MGAT5: variants seen among roughly 807,000 people sequenced by gnomAD.
MGAT5 encodes alpha-1,6-mannosylglycoprotein 6-beta-N-acetylglucosaminyltransferase A.
A neutral mutation model predicts 94.3 loss-of-function variants in MGAT5; 30 were observed. The observed-to-expected ratio is 0.32, with a 90% CI of 0.24 to 0.43. MGAT5 has a LOEUF of 0.43. Among genes scored for constraint, MGAT5 ranks in the 20% least tolerant of loss-of-function variants. The probability of loss-of-function intolerance (pLI) is 1.00; values close to 1 mark genes in which losing one functional copy is unlikely to be tolerated. For missense variants in MGAT5, 691 were observed against 905.5 expected (o/e 0.76, Z 3.04); for synonymous variants, 310 against 322.9 (o/e 0.96, Z 0.43).
chr2:134,154,392 C>T (rs1195857496), intron 1 of MGAT5, among the ~76,000 whole-genome samples: 2 of 152,228 alleles, frequency 1.3e-5, no homozygotes, highest in Non-Finnish European at 2.9e-5. Context: ...GTGTCCTCCT[C>T]CATATCCTGC....
At chr2:134,440,989 T>C (rs949882362) in intron 14 of MGAT5, among the ~76,000 whole-genome samples, 4 of 152,268 alleles carry the variant, frequency 2.6e-5, no homozygotes, top group Admixed American at 2.0e-4. Context: ...AGTTTGGTGA[T>C]GTTTTTTGAC....
At position 134,370,071 on chromosome 2, in the gene MGAT5, A is replaced by G. The variant is rs142533157; in HGVS notation, c.1380+7663A>G. Among the ~76,000 whole-genome samples, 673 of 152,328 alleles carry G rather than the reference A, an allele frequency of 4.4e-3. 5 individuals carry two copies. The highest frequency in any genetic ancestry group is 0.015 in the African/African-American group (621 of 41,570). On this transcript the variant is annotated intron_variant, in intron 10 of 15. Coordinates refer to ENST00000281923, the MANE Select transcript of MGAT5 (RefSeq NM_002410.5). Reference sequence around the variant, plus strand: ...GAGATAGAATCCCATTCTGAAAACTATGTAATTATCTAGCTTGCTAATTTG... The same window carrying G: ...GAGATAGAATCCCATTCTGAAAACTGTGTAATTATCTAGCTTGCTAATTTG...
At chr2:134,141,589 G>A (rs1686659487) in intron 1 of MGAT5, among the ~76,000 whole-genome samples, 1 of 152,200 alleles carries the variant, frequency 6.6e-6, no homozygotes, top group Non-Finnish European at 1.5e-5. Flanking sequence ...AGCCTAATGA[G>A]GAAAACAGAC....
chr2:134,304,655 A>G (rs577512332), intron 2 of MGAT5, among the ~76,000 whole-genome samples: 1 of 152,320 alleles, frequency 6.6e-6, no homozygotes, highest in East Asian at 1.9e-4. Context: ...CCAAATTTAC[A>G]TGGTCTTAAC....
chr2:134,303,748 T>C (rs1686168904), intron 2 of MGAT5, among the ~76,000 whole-genome samples: 1 of 152,176 alleles, frequency 6.6e-6, no homozygotes, highest in African/African-American at 2.4e-5. Flanking sequence ...ATACAGACTT[T>C]GGGGTTCTCC....
rs191754598 is a variant in MGAT5, at chr2:134,422,923, G to T, written c.1794+4G>T. 5 of 1,604,568 alleles carry T rather than the reference G, an allele frequency of 3.1e-6. No individual in the cohort carries two copies. Among genetic ancestry groups the T allele is most frequent in the Non-Finnish European group, 2.6e-6 (3 of 1,171,656 alleles). On this transcript the variant is annotated splice_donor_region_variant and intron_variant, in intron 13 of 15. Coordinates refer to ENST00000281923, the MANE Select transcript of MGAT5 (RefSeq NM_002410.5). Reference sequence around the variant, plus strand: ...GAAAGCAATTTTAAATCAGAAGGTTGGTTCATTTTATTCCACTTTCCCTCC... The same window carrying T: ...GAAAGCAATTTTAAATCAGAAGGTTTGTTCATTTTATTCCACTTTCCCTCC...
intron 12 of MGAT5, among the ~76,000 whole-genome samples, chr2:134,417,816 A>C (rs536923853): frequency 2.0e-5 from 3 of 152,304 alleles, no homozygotes; most frequent in African/African-American, 7.2e-5. Context: ...ATACTATACA[A>C]ATAAATACAG....
intron 14 of MGAT5, among the ~76,000 whole-genome samples, chr2:134,432,188 G>A (rs1172771751): frequency 6.6e-6 from 1 of 152,136 alleles, no homozygotes; most frequent in Non-Finnish European, 1.5e-5. Flanking sequence ...TGAAGGAATG[G>A]CAATTTCAGA....
intron 10 of MGAT5, among the ~76,000 whole-genome samples, chr2:134,389,862 C>T (rs1682288782): frequency 6.6e-6 from 1 of 152,184 alleles, no homozygotes; most frequent in Admixed American, 6.5e-5. Flanking sequence ...GTTCACTTTC[C>T]CTTTCTCACA....
chr2:134,419,442 T>TTGTGTGTGTGTGTGTGTGTG (rs56181696), intron 12 of MGAT5, among the ~76,000 whole-genome samples: 16 of 134,220 alleles, frequency 1.2e-4, no homozygotes, highest in East Asian at 6.6e-4. Context: ...GCTTCAGGGT[T>TTGTGTGTGTGTGTGTGTGTG]TGTGTGTGTG....
At chr2:134,184,861 C>T (rs1384521809) in intron 1 of MGAT5, among the ~76,000 whole-genome samples, 3 of 152,074 alleles carry the variant, frequency 2.0e-5, no homozygotes, top group African/African-American at 7.2e-5. Flanking sequence ...CTGGCCAGAG[C>T]GGGGACATTT....
Position 134,168,589 on chromosome 2 carries a change from A to G in MGAT5, c.-143+48298A>G, listed in dbSNP as rs971091378. On this transcript the variant is annotated intron_variant, in intron 1 of 16. Transcript: ENST00000409645. The stretch of plus-strand genomic sequence containing the variant: ...TGCCCATGTGGATGAAAGCCACGTG[A>G]AGCTAGTATTGTAATTGTAGGGCTC... 1.1e-4 allele frequency among the ~76,000 whole-genome samples: 16 copies of G among 152,324 alleles called. 2 individuals carry two copies. Among genetic ancestry groups the G allele is most frequent in the Middle Eastern group, 3.4e-3 (1 of 294 alleles).
At chr2:134,237,388 T>C (rs1226079344) in intron 1 of MGAT5, among the ~76,000 whole-genome samples, 1 of 152,196 alleles carries the variant, frequency 6.6e-6, no homozygotes, top group Non-Finnish European at 1.5e-5. Context: ...GTTTGCAGAA[T>C]AATCTGGGAA....
chr2:134,228,541 A>C (rs1681182338), intron 1 of MGAT5, among the ~76,000 whole-genome samples: 1 of 152,236 alleles, frequency 6.6e-6, no homozygotes, highest in Non-Finnish European at 1.5e-5. Context: ...TGCTCTGTGA[A>C]AATGGATCTG....
intron 1 of MGAT5, among the ~76,000 whole-genome samples, chr2:134,152,498 C>T (rs1187540840): frequency 2.0e-5 from 3 of 152,216 alleles, no homozygotes; most frequent in African/African-American, 7.2e-5. Context: ...GTGGGACCCA[C>T]TCACTGCCAT....
chr2:134,344,838 G>T (rs988752258), intron 7 of MGAT5, 92 bp from the exon 8 acceptor site: 2 of 1,461,272 alleles, frequency 1.4e-6, no homozygotes, highest in Non-Finnish European at 1.9e-6. Context: ...GATTTTTGGG[G>T]TGGCATTTGC....
intron 14 of MGAT5, among the ~76,000 whole-genome samples, chr2:134,435,940 G>C (rs958156404): frequency 6.6e-6 from 1 of 152,202 alleles, no homozygotes; most frequent in East Asian, 1.9e-4. Context: ...AGCTATGACA[G>C]GGGCTTCCAT....
At chr2:134,322,064 A>G (rs111702796) in intron 4 of MGAT5, among the ~76,000 whole-genome samples, 2 of 152,182 alleles carry the variant, frequency 1.3e-5, no homozygotes, top group African/African-American at 4.8e-5. Context: ...TCTCAGCTCT[A>G]TGAGGTCACT....
At chr2:134,215,717 A>G (rs904464773) in intron 1 of MGAT5, among the ~76,000 whole-genome samples, 1 of 152,228 alleles carries the variant, frequency 6.6e-6, no homozygotes, top group African/African-American at 2.4e-5. Flanking sequence ...AAACCATAGC[A>G]AGTATATACT....
Sources: allele counts gnomAD v4.1 joint callset (sites outside exome capture counted in the v4.1 genomes callset), GRCh38; gene constraint gnomAD v4.1.1; transcripts MANE v1.5; gene names NCBI Gene and HGNC (gene_info 2026-07-23, HGNC 2026-07-21).